CABIN1: variants seen among roughly 807,000 people sequenced by gnomAD.
The protein encoded by CABIN1 is calcineurin binding protein 1, also known as calcineurin-binding protein cabin-1.
CABIN1 carries 133 observed loss-of-function variants against 227.7 expected under a neutral mutation model. The observed-to-expected ratio is 0.58, with a 90% CI of 0.51 to 0.67. The LOEUF (loss-of-function observed/expected upper bound fraction) is 0.67. Among genes scored for constraint, CABIN1 ranks in the 30% least tolerant of loss-of-function variants. CABIN1 has a pLI of 0.00. For missense variants in CABIN1, 2,408 were observed against 2,852.5 expected (o/e 0.84, Z 3.55); for synonymous variants, 1,086 against 1,155.1 (o/e 0.94, Z 1.21).
chr22:24,058,848 T>G (rs1483072713), intron 10 of CABIN1, among the ~76,000 whole-genome samples: 1 of 152,242 alleles, frequency 6.6e-6, no homozygotes, highest in Non-Finnish European at 1.5e-5. Flanking sequence ...CACTCTGTTG[T>G]GAGGTGGTCC....
rs192792613 is a variant in CABIN1 at position 24,091,519 on chromosome 22, A to G, written c.3526-64A>G. The G allele has an allele frequency of 1.4e-5, 23 of 1,607,506 alleles. No homozygotes were observed. In the Admixed American group the frequency reaches 1.5e-4, roughly 10 times the overall value. Reference sequence around the variant, plus strand: ...ATAGGTCGGCAGAGCTTTGTACAGGAAAAAGTCTGATCCCTGGGCAGGTTC... The same window carrying G: ...ATAGGTCGGCAGAGCTTTGTACAGGGAAAAGTCTGATCCCTGGGCAGGTTC... On this transcript the variant is annotated intron_variant, in intron 23 of 36. Transcript: ENST00000263119.
intron 1 of CABIN1, among the ~76,000 whole-genome samples, chr22:24,015,882 C>T (rs2035243039): frequency 1.3e-5 from 2 of 152,002 alleles, no homozygotes; most frequent in African/African-American, 2.4e-5. Context: ...CGCTTGAACC[C>T]GGGAGGCAGA....
intron 19 of CABIN1, among the ~76,000 whole-genome samples, chr22:24,077,794 G>C (rs1003134320): frequency 2.0e-5 from 3 of 152,154 alleles, no homozygotes; most frequent in African/African-American, 7.2e-5. Context: ...TAATACCTTA[G>C]GCTAGCTTGG....
intron 8 of CABIN1, among the ~76,000 whole-genome samples, chr22:24,053,144 C>A (rs565248241): frequency 7.0e-5 from 10 of 143,762 alleles, no homozygotes; most frequent in African/African-American, 2.3e-4. Flanking sequence ...GTGGCACAAT[C>A]TCGGCTCACT....
At chr22:24,145,671 C>T (rs1294822621) in intron 29 of CABIN1, among the ~76,000 whole-genome samples, 2 of 152,302 alleles carry the variant, frequency 1.3e-5, no homozygotes, top group Middle Eastern at 3.4e-3. Context: ...TGCGTGCATG[C>T]ATATGTCTGT....
At chr22:24,062,818 A>G (rs1189590334) in intron 13 of CABIN1, 141 bp from the exon 14 acceptor site, 1 of 813,468 alleles carries the variant, frequency 1.2e-6, no homozygotes, top group East Asian at 2.4e-5. Context: ...CCTGCCACTC[A>G]GGGAGCTGTA....
chr22:24,164,976 C>G (rs74620379), intron 30 of CABIN1, among the ~76,000 whole-genome samples: 2,306 of 152,344 alleles, frequency 0.015, 24 homozygotes, highest in Non-Finnish European at 0.023. Flanking sequence ...CAGTGGTAAA[C>G]AGGGAGCTCT....
At chr22:24,031,800 G>A (rs1348519986) in intron 1 of CABIN1, among the ~76,000 whole-genome samples, 1 of 152,206 alleles carries the variant, frequency 6.6e-6, no homozygotes, top group Non-Finnish European at 1.5e-5. Flanking sequence ...CTTACTGGGA[G>A]TCATCAGGGT....
At chr22:24,038,308 C>G (rs750486402) in intron 3 of CABIN1, 40 bp from the exon 4 acceptor site, 5 of 1,526,912 alleles carry the variant, frequency 3.3e-6, no homozygotes, top group Non-Finnish European at 2.7e-6. Context: ...AAAGACAGAT[C>G]TTTATGCTGT....
At chr22:24,130,258 A>G (rs748602738) in intron 28 of CABIN1, among the ~76,000 whole-genome samples, 1 of 152,224 alleles carries the variant, frequency 6.6e-6, no homozygotes, top group Non-Finnish European at 1.5e-5. Flanking sequence ...AGGGCTGGCC[A>G]TGATGGCTGG....
chr22:24,085,950 G>A (rs1038898936), intron 22 of CABIN1, among the ~76,000 whole-genome samples: 3 of 152,198 alleles, frequency 2.0e-5, no homozygotes, highest in African/African-American at 7.2e-5. Context: ...AGCCATGGGT[G>A]AGCACAGAGC....
chr22:24,178,264 A>G lies in CABIN1; in HGVS notation c.*68A>G. On this transcript the variant is annotated 3_prime_UTR_variant, in exon 37 of 37. Coordinates refer to ENST00000263119, the MANE Select transcript of CABIN1 (RefSeq NM_012295.4). ...AGGCCTGGAATGCCCCCTGGGCAGG[A>G]CCCTGGGCAGGACCAGAGGCCCACA... The G allele has an allele frequency of 6.3e-7, 1 of 1,591,994 alleles. No individual in the cohort carries two copies. Among genetic ancestry groups the G allele is most frequent in the Middle Eastern group, 2.0e-4 (1 of 5,072 alleles).
At chr22:24,145,843 G>A (rs771952518) in intron 29 of CABIN1, among the ~76,000 whole-genome samples, 11 of 152,220 alleles carry the variant, frequency 7.2e-5, no homozygotes, top group Non-Finnish European at 1.6e-4. Flanking sequence ...CTCCTAATGC[G>A]CAATGTCATC....
intron 19 of CABIN1, 122 bp downstream of exon 19, chr22:24,076,406 C>A: frequency 1.3e-6 from 1 of 755,942 alleles, no homozygotes; most frequent in Non-Finnish European, 2.3e-6. Context: ...CCTCAGTGGG[C>A]CCACTGTGTG....
Position 24,091,744 on chromosome 22 carries a change from C to G in CABIN1, c.3687C>G (p.His1229Gln), listed in dbSNP as rs145161210. ...AGCCACCCACCGTTTACTTGCTGCA[C>G]TACAGGCAGGCTGGCCACTACCTGC... The part of the protein sequence containing the change: ...QQQPPTVYLL[H>Q]YRQAGHYLHE... The change falls in exon 24 of 37, where the codon CAC (histidine) becomes CAG (glutamine). Residue 1229 changes from histidine to glutamine, a missense_variant. Transcript: ENST00000263119. 2.5e-6 allele frequency: 4 copies of G among 1,614,036 alleles called. No individual in the cohort carries two copies. The African/African-American group carries it at 4.0e-5, about 16-fold the overall frequency.
chr22:24,172,434 C>G (rs1311867019), intron 34 of CABIN1, among the ~76,000 whole-genome samples: 1 of 152,226 alleles, frequency 6.6e-6, no homozygotes, highest in African/African-American at 2.4e-5. Flanking sequence ...GGTATCCGGC[C>G]TCAGTTACCT....
At chr22:24,150,842 C>G (rs2045436640) in intron 29 of CABIN1, among the ~76,000 whole-genome samples, 1 of 152,226 alleles carries the variant, frequency 6.6e-6, no homozygotes. Context: ...CAGTGACCCT[C>G]TTCCTGGCAG....
intron 30 of CABIN1, 47 bp from the exon 31 acceptor site, chr22:24,165,483 T>G (rs747534126): frequency 6.6e-7 from 1 of 1,515,646 alleles, no homozygotes; most frequent in Admixed American, 1.8e-5. Flanking sequence ...TGCCATGTGG[T>G]GTCAGATGCC....
chr22:24,132,921 TC>T (rs1309404346), intron 28 of CABIN1, among the ~76,000 whole-genome samples: 1 of 152,162 alleles, frequency 6.6e-6, no homozygotes, highest in Non-Finnish European at 1.5e-5. Flanking sequence ...TACAGGTTGT[TC>T]CTCCTAGGGT....
Sources: allele counts gnomAD v4.1 joint callset (sites outside exome capture counted in the v4.1 genomes callset), GRCh38; gene constraint gnomAD v4.1.1; transcripts MANE v1.5; gene names NCBI Gene and HGNC (gene_info 2026-07-23, HGNC 2026-07-21).